CAMK1D: variants seen among roughly 807,000 people sequenced by gnomAD.
CAMK1D encodes calcium/calmodulin-dependent protein kinase type 1D.
A neutral mutation model predicts 47.7 loss-of-function variants in CAMK1D; 9 were observed. The observed-to-expected ratio is 0.19, with a 90% CI of 0.11 to 0.33. CAMK1D has a LOEUF of 0.33. Ranked by LOEUF, CAMK1D falls within the 10% of genes least tolerant of loss-of-function variation. The pLI is 1.00. For synonymous variants in CAMK1D, 184 were observed against 184.9 expected (o/e 0.99, Z 0.04); for missense variants, 291 against 488.7 (o/e 0.60, Z 3.81).
At chr10:12,469,262 A>G (rs926230436) in intron 1 of CAMK1D, among the ~76,000 whole-genome samples, 3 of 152,120 alleles carry the variant, frequency 2.0e-5, no homozygotes, top group African/African-American at 7.2e-5. Context: ...CAGCATTTCT[A>G]TAGTCTTGAA....
At chr10:12,693,564 C>T (rs948363209) in intron 3 of CAMK1D, among the ~76,000 whole-genome samples, 5 of 151,432 alleles carry the variant, frequency 3.3e-5, no homozygotes, top group Non-Finnish European at 4.4e-5. Context: ...GCATGGGTGT[C>T]GAGGCTGCAG....
rs144976371 is a variant in CAMK1D, at chr10:12,383,745, A to G, written c.92+33835A>G. On this transcript the variant is annotated intron_variant, in intron 1 of 10. Transcript: ENST00000619168. Reference sequence around the variant, plus strand: ...TTTTAAAAAGTCTACTCACAGAGCTAAAATCACACTTAATGGAGAAAGAAT... The same window carrying G: ...TTTTAAAAAGTCTACTCACAGAGCTGAAATCACACTTAATGGAGAAAGAAT... Among the ~76,000 whole-genome samples, 7 of 152,376 alleles carry G rather than the reference A, an allele frequency of 4.6e-5. No individual in the cohort carries two copies. In the East Asian group the frequency reaches 1.3e-3, roughly 29 times the overall value.
rs377556452 is a variant in CAMK1D at position 12,828,845 on chromosome 10, C to G, written c.1116C>G (p.Pro372=). 6.2e-7 allele frequency: 1 copy of G among 1,613,570 alleles called. No homozygotes were observed. Among genetic ancestry groups the G allele is most frequent in the Non-Finnish European group, 8.5e-7 (1 of 1,179,898 alleles). ...CAGGAGTTGGAGCCGAGCGGAGACC[C>G]AGGCCCACCACTGTGACGGCAGTGC... is the stretch of plus-strand genomic sequence containing the variant. ...GVSGVGAERR[P]RPTTVTAVHS... is the part of the protein sequence containing the mutation. Residue 372 remains proline (P), a synonymous_variant, in exon 11 of 11, where the codon CCC becomes CCG. Coordinates refer to ENST00000619168, the MANE Select transcript of CAMK1D (RefSeq NM_153498.4).
intron 1 of CAMK1D, among the ~76,000 whole-genome samples, chr10:12,486,513 G>T (rs190688144): frequency 7.7e-6 from 1 of 129,180 alleles, no homozygotes; most frequent in Non-Finnish European, 1.6e-5. Context: ...ATGTACCCAC[G>T]TGTGCATGTG....
rs376995151 is a variant in CAMK1D at position 12,721,609 on chromosome 10, G to A, written c.300-39339G>A. The stretch of plus-strand genomic sequence containing the variant: ...GGTGCCAGGGCCTTTGTAGGCATCA[G>A]GAATATAGTAGTGAACAAAATAGAC... On this transcript the variant is annotated intron_variant, in intron 3 of 10. Transcript: ENST00000619168. Among the ~76,000 whole-genome samples the A allele has an allele frequency of 9.7e-4, 148 of 152,258 alleles. 1 individual carries two copies. The Middle Eastern group carries it at 0.02, about 21-fold the overall frequency.
chr10:12,359,161 C>A (rs1285038146), intron 1 of CAMK1D, among the ~76,000 whole-genome samples: 1 of 152,112 alleles, frequency 6.6e-6, no homozygotes, highest in East Asian at 1.9e-4. Flanking sequence ...AATTATTTTA[C>A]CATTCTGAGC....
chr10:12,729,552 C>T (rs1834801108), intron 3 of CAMK1D, among the ~76,000 whole-genome samples: 1 of 152,062 alleles, frequency 6.6e-6, no homozygotes, highest in Non-Finnish European at 1.5e-5. Context: ...GCGGGAGGGT[C>T]ACTTGAGCCC....
At chr10:12,677,583 A>G (rs1478902555) in intron 3 of CAMK1D, among the ~76,000 whole-genome samples, 2 of 152,158 alleles carry the variant, frequency 1.3e-5, no homozygotes, top group Non-Finnish European at 2.9e-5. Flanking sequence ...AGGGTGATTA[A>G]GAGTCAGCCA....
At chr10:12,556,221 C>G (rs970792011) in intron 2 of CAMK1D, among the ~76,000 whole-genome samples, 3 of 152,116 alleles carry the variant, frequency 2.0e-5, no homozygotes, top group African/African-American at 7.2e-5. Context: ...AAAGCAAAGT[C>G]AATGAGCTAG....
rs1206776042 is a variant in CAMK1D, at chr10:12,486,164, T to C, written c.93-67061T>C. The stretch of plus-strand genomic sequence containing the variant: ...ATGAGTCTTGGGACTTGCCAGTCTC[T>C]TTTTTTTTTTTTGAGACAGAGTCTC... On this transcript the variant is annotated intron_variant, in intron 1 of 10. Coordinates refer to ENST00000619168, the MANE Select transcript of CAMK1D (RefSeq NM_153498.4). Among the ~76,000 whole-genome samples the C allele has an allele frequency of 1.3e-3, 10 of 7,808 alleles. No individual in the cohort carries two copies. In the East Asian group the frequency reaches 0.36, roughly 279 times the overall value. 5.1% of individuals were successfully genotyped at this position (7,808 alleles called of 152,430 possible). A position where few individuals can be genotyped will look rare whatever the true frequency, so the allele number is the denominator to read the frequency against.
intron 3 of CAMK1D, among the ~76,000 whole-genome samples, chr10:12,754,032 A>G (rs1288395913): frequency 6.6e-6 from 1 of 152,104 alleles, no homozygotes; most frequent in African/African-American, 2.4e-5. Context: ...CTGGGATTAC[A>G]GGAGTGTGGC....
At chr10:12,752,556 A>G (rs1297653214) in intron 3 of CAMK1D, among the ~76,000 whole-genome samples, 1 of 152,212 alleles carries the variant, frequency 6.6e-6, no homozygotes, top group African/African-American at 2.4e-5. Context: ...ATTTCCATGT[A>G]ACAAGCTGTA....
chr10:12,772,048 A>C (rs1837065596), intron 5 of CAMK1D, among the ~76,000 whole-genome samples: 1 of 151,970 alleles, frequency 6.6e-6, no homozygotes, highest in Non-Finnish European at 1.5e-5. Flanking sequence ...AAAAAAAAAA[A>C]AGCCAGTATA....
chr10:12,545,480 G>C (rs1836335557), intron 1 of CAMK1D, among the ~76,000 whole-genome samples: 2 of 145,544 alleles, frequency 1.4e-5, no homozygotes, highest in South Asian at 4.4e-4. Flanking sequence ...AAAAAAAGGA[G>C]GAAATATACC....
intron 7 of CAMK1D, 111 bp downstream of exon 7, chr10:12,814,418 GGTC>G: frequency 1.6e-6 from 1 of 614,620 alleles, no homozygotes; most frequent in Non-Finnish European, 2.9e-6. Context: ...CAGTCCTGAG[GGTC>G]CTGTCTTGGT....
chr10:12,504,330 G>T (rs926203857), intron 1 of CAMK1D, among the ~76,000 whole-genome samples: 1 of 152,130 alleles, frequency 6.6e-6, no homozygotes, highest in East Asian at 1.9e-4. Context: ...GAACTGGGGG[G>T]ATTTGGAGGG....
chr10:12,806,209 C>T (rs1459431854), intron 6 of CAMK1D, among the ~76,000 whole-genome samples: 1 of 152,168 alleles, frequency 6.6e-6, no homozygotes, highest in East Asian at 1.9e-4. Context: ...TTTACACTTC[C>T]TGTTTATTTT....
At position 12,530,395 on chromosome 10, in the gene CAMK1D, C is replaced by T. The variant is rs114230222; in HGVS notation, c.93-22830C>T. 3.8e-3 allele frequency among the ~76,000 whole-genome samples: 579 copies of T among 152,314 alleles called. 3 individuals carry two copies. The highest frequency in any genetic ancestry group is 0.014 in the African/African-American group (563 of 41,572). On this transcript the variant is annotated intron_variant, in intron 1 of 10. Transcript: ENST00000619168. ...CAAGCCATTCTTCCTTTCTGGGCCTCAGTTTCCTTTTCTGGGAAATGAGGT... is the reference window on the plus strand; with the variant it reads ...CAAGCCATTCTTCCTTTCTGGGCCTTAGTTTCCTTTTCTGGGAAATGAGGT...
At chr10:12,452,668 C>T (rs1361879493) in intron 1 of CAMK1D, among the ~76,000 whole-genome samples, 1 of 151,982 alleles carries the variant, frequency 6.6e-6, no homozygotes, top group African/African-American at 2.4e-5. Context: ...TCACTGCAAC[C>T]TCCGCCTCCT....
Sources: gnomAD v4.1 joint callset for allele counts (sites outside exome capture counted in the v4.1 genomes callset) on GRCh38, gnomAD v4.1.1 for gene constraint, MANE v1.5 for transcripts, NCBI Gene and HGNC (gene_info 2026-07-23, HGNC 2026-07-21) for gene names.